Variants in ZNF619 observed in about 807,000 individuals in gnomAD.
ZNF619 encodes zinc finger protein 619.
A neutral mutation model predicts 14.2 loss-of-function variants in ZNF619; 9 were observed. The ratio of observed to expected loss-of-function variants is 0.64; its 90% confidence interval spans 0.38 to 1.11. ZNF619 has a LOEUF of 1.11. Ranked by LOEUF, ZNF619 falls within the 50% of genes least tolerant of loss-of-function variation. The pLI, the probability that ZNF619 is intolerant of heterozygous loss-of-function variation, is 0.01. For missense variants in ZNF619, 659 were observed against 680.1 expected (o/e 0.97, Z 0.34); for synonymous variants, 246 against 252.8 (o/e 0.97, Z 0.26).
Position 40,487,004 on chromosome 3 carries a change from T to A in ZNF619, c.494T>A (p.Val165Asp). The A allele has an allele frequency of 5.0e-6, 8 of 1,614,082 alleles. No homozygotes were observed. The highest frequency in any genetic ancestry group is 6.8e-6 in the Non-Finnish European group (8 of 1,179,996). ...TKIGDCTDLTVQDHESSTTER... is the reference protein window; with the variant it reads ...TKIGDCTDLTDQDHESSTTER... ...ATAGGGGATTGCACAGATTTGACAG[T>A]CCAGGATCATGAATCTTCCACCACT... The change falls in exon 5 of 5, where the codon GTC (valine) becomes GAC (aspartate). Residue 165 changes from valine to aspartate, a missense_variant. Coordinates refer to ENST00000432264, the MANE Select transcript of ZNF619 (RefSeq NM_001145093.4).
chr3:40,479,649 A>G (rs1697320022), intron 2 of ZNF619, among the ~76,000 whole-genome samples: 1 of 152,224 alleles, frequency 6.6e-6, no homozygotes. Flanking sequence ...TAGAGATACT[A>G]TTTGAACTTA....
At chr3:40,481,126 T>C (rs1697378528) in intron 2 of ZNF619, among the ~76,000 whole-genome samples, 1 of 152,236 alleles carries the variant, frequency 6.6e-6, no homozygotes, top group African/African-American at 2.4e-5. Flanking sequence ...TAAAAGTAAC[T>C]GACACAGGAC....
intron 4 of ZNF619, among the ~76,000 whole-genome samples, chr3:40,486,557 C>T (rs373207303): frequency 8.6e-5 from 13 of 152,030 alleles, no homozygotes; most frequent in Admixed American, 2.6e-4. Flanking sequence ...AAAAATTAGC[C>T]GGGTGTGGTG....
rs934303021 is a variant in ZNF619 at position 40,489,085 on chromosome 3, GAAAAT to G, written c.*845_*849del. On this transcript the variant is annotated 3_prime_UTR_variant, in exon 5 of 5. Transcript: ENST00000432264. ...TTATGAGGGTCCTTTTATGCAAAAA[GAAAAT>G]GAAGTGATGAGTTGGCATTGATAGC... 1.3e-4 allele frequency: 20 copies of G among 152,086 alleles called. No individual in the cohort carries two copies. Among genetic ancestry groups the G allele is most frequent in the African/African-American group, 4.8e-4 (20 of 41,514 alleles). The allele number at this position is 152,086 out of a possible 1,614,324, so 9.4% of individuals were successfully genotyped here.
intron 4 of ZNF619, 109 bp downstream of exon 4, chr3:40,482,813 A>C (rs374586815): frequency 1.3e-6 from 1 of 797,800 alleles, no homozygotes. Context: ...GTGGGGATTA[A>C]AATAGTCACT....
At position 40,480,904 on chromosome 3, in the gene ZNF619, C is replaced by G. The variant is rs576333235; in HGVS notation, c.25-959C>G. Reference sequence around the variant, plus strand: ...AATTGAGAAAGACTACAGTGTGAGTCAGAGATAGATGTTTTAATGGGACTA... The same window carrying G: ...AATTGAGAAAGACTACAGTGTGAGTGAGAGATAGATGTTTTAATGGGACTA... On this transcript the variant is annotated intron_variant, in intron 2 of 4. Transcript: ENST00000432264. Among the ~76,000 whole-genome samples the G allele has an allele frequency of 9.2e-5, 14 of 152,212 alleles. No individual in the cohort carries two copies. In the East Asian group the frequency reaches 2.7e-3, roughly 29 times the overall value.
At chr3:40,480,893 A>G in intron 2 of ZNF619, among the ~76,000 whole-genome samples, 1 of 152,206 alleles carries the variant, frequency 6.6e-6, no homozygotes, top group South Asian at 2.1e-4. Flanking sequence ...GAGAAAGACT[A>G]CAGTGTGAGT....
rs779767482 is a variant in ZNF619, at chr3:40,488,221, C to G, written c.1711C>G (p.Pro571Ala). ...PGKSSLQSPN[P>A]LSHSL The stretch of plus-strand genomic sequence containing the variant: ...GAAGTCATCCCTTCAGAGCCCGAAT[C>G]CTTTGTCTCACTCCCTGTAAGCCCC... Residue 571 changes from proline to alanine, a missense_variant, in exon 5 of 5, where the codon CCT (proline) becomes GCT (alanine). By Grantham distance (27) the Pro-to-Ala change is conservative (BLOSUM62 -1). Coordinates refer to ENST00000432264, the MANE Select transcript of ZNF619 (RefSeq NM_001145093.4). 2 of 1,579,726 alleles carry G rather than the reference C, an allele frequency of 1.3e-6. No homozygotes were observed. Among genetic ancestry groups the G allele is most frequent in the Admixed American group, 3.4e-5 (2 of 58,866 alleles).
Position 40,479,895 on chromosome 3 carries a change from G to A in ZNF619, c.24+1892G>A, listed in dbSNP as rs185008637. ...GGGGACAGAATTGCCCCCATGTTGA[G>A]AGCCATAGCCTTAACATCTGTGCCA... On this transcript the variant is annotated intron_variant, in intron 2 of 4. Coordinates refer to ENST00000432264, the MANE Select transcript of ZNF619 (RefSeq NM_001145093.4). 4.6e-5 allele frequency among the ~76,000 whole-genome samples: 7 copies of A among 152,294 alleles called. No individual in the cohort carries two copies. In the East Asian group the frequency reaches 1.4e-3, roughly 29 times the overall value.
At chr3:40,479,418 T>C (rs1697310305) in intron 2 of ZNF619, among the ~76,000 whole-genome samples, 1 of 152,212 alleles carries the variant, frequency 6.6e-6, no homozygotes, top group Admixed American at 6.5e-5. Context: ...TAGAATCTTC[T>C]AGGAAGTTCC....
rs1375422871 is a variant in ZNF619 at position 40,490,659 on chromosome 3, T to C, written c.*2418T>C. On this transcript the variant is annotated 3_prime_UTR_variant, in exon 5 of 5. Coordinates refer to ENST00000432264, the MANE Select transcript of ZNF619 (RefSeq NM_001145093.4). Reference sequence around the variant, plus strand: ...GACCTTTATGATGATCCATATAATATAGTGAATTATATTTACTAAATATAA... The same window carrying C: ...GACCTTTATGATGATCCATATAATACAGTGAATTATATTTACTAAATATAA... Among the ~76,000 whole-genome samples, 1 of 151,854 alleles carries C rather than the reference T, an allele frequency of 6.6e-6. No individual in the cohort carries two copies. The highest frequency in any genetic ancestry group is 1.9e-4 in the East Asian group (1 of 5,202).
chr3:40,483,437 C>T (rs1285636630), intron 4 of ZNF619, among the ~76,000 whole-genome samples: 2 of 151,556 alleles, frequency 1.3e-5, no homozygotes, highest in African/African-American at 2.4e-5. Flanking sequence ...ACTACATGCG[C>T]GTGCCACCAT....
At chr3:40,478,468 C>A (rs903777898) in intron 2 of ZNF619, among the ~76,000 whole-genome samples, 19 of 152,302 alleles carry the variant, frequency 1.2e-4, no homozygotes, top group Non-Finnish European at 2.4e-4. Context: ...GTTTACCCTG[C>A]AGACCACTCA....
intron 2 of ZNF619, among the ~76,000 whole-genome samples, chr3:40,481,289 G>T (rs9827958): frequency 0.068 from 10,360 of 152,240 alleles, 850 homozygotes; most frequent in African/African-American, 0.19. Context: ...TTCTGCAGAA[G>T]GATGGGAGAT....
chr3:40,480,751 C>T (rs553866221), intron 2 of ZNF619, among the ~76,000 whole-genome samples: 5 of 152,250 alleles, frequency 3.3e-5, no homozygotes, highest in African/African-American at 7.2e-5. Context: ...CTGCCCGCCT[C>T]GGCCTCCCAA....
rs377079907 is a variant in ZNF619 at position 40,487,980 on chromosome 3, C to T, written c.1470C>T (p.Ser490=). ...AACTCATCAATGGAACAGGGCTATCCGCAGTTAAGCCCTACTGTCCCTGCG... is the reference window on the plus strand; with the variant it reads ...AACTCATCAATGGAACAGGGCTATCTGCAGTTAAGCCCTACTGTCCCTGCG... ...RKKLINGTGL[S]AVKPYCPCAI... is the part of the protein sequence containing the mutation. The change falls in exon 5 of 5, where the codon TCC becomes TCT. Residue 490 remains serine (S), a synonymous_variant. Coordinates refer to ENST00000432264, the MANE Select transcript of ZNF619 (RefSeq NM_001145093.4). 146 of 1,614,040 alleles carry T rather than the reference C, an allele frequency of 9.0e-5. 1 individual carries two copies. In the East Asian group the frequency reaches 1.6e-3, roughly 18 times the overall value.
rs1268827534 is a variant in ZNF619, at chr3:40,489,689, TCA to T, written c.*1452_*1453del. 6.6e-6 allele frequency: 1 copy of T among 152,140 alleles called. No homozygotes were observed. The highest frequency in any genetic ancestry group is 1.5e-5 in the Non-Finnish European group (1 of 68,032). The allele number at this position is 152,140 out of a possible 1,614,324, so 9.4% of individuals were successfully genotyped here. On this transcript the variant is annotated 3_prime_UTR_variant, in exon 5 of 5. Transcript: ENST00000432264. ...TGTACATGGATGGAACTTGTTGGCA[TCA>T]CACTGGTGAGCACCAGAGGCAAAGA...
At chr3:40,484,934 C>T (rs1239339558) in intron 4 of ZNF619, among the ~76,000 whole-genome samples, 1 of 152,152 alleles carries the variant, frequency 6.6e-6, no homozygotes, top group Non-Finnish European at 1.5e-5. Flanking sequence ...ATTCAGAAGA[C>T]TGGTGTGGGG....
Position 40,487,352 on chromosome 3 carries a change from T to G in ZNF619, c.842T>G (p.Leu281Arg), listed in dbSNP as rs747525540. The change falls in exon 5 of 5, where the codon CTC becomes CGC. Residue 281 changes from leucine to arginine, a missense_variant. By Grantham distance (102) the Leu-to-Arg change is moderately radical. Coordinates refer to ENST00000432264, the MANE Select transcript of ZNF619 (RefSeq NM_001145093.4). ...TCCCACCTTCTTCAGCATCAGAAGC[T>G]CCATGGTGGACAGAGGCCCTATGAA... ...QNSHLLQHQK[L>R]HGGQRPYECT... 20 of 1,614,076 alleles carry G rather than the reference T, an allele frequency of 1.2e-5. No individual in the cohort carries two copies. The East Asian group carries it at 4.5e-4, about 36-fold the overall frequency.
Sources: allele counts gnomAD v4.1 joint callset (sites outside exome capture counted in the v4.1 genomes callset), GRCh38; gene constraint gnomAD v4.1.1; transcripts MANE v1.5; gene names NCBI Gene and HGNC (gene_info 2026-07-23, HGNC 2026-07-21).